Variants in DAB1 observed in about 807,000 individuals in gnomAD.
DAB1 encodes disabled homolog 1.
In DAB1, 15 loss-of-function variants were observed where a neutral mutation model predicts 64.6. That is an observed-to-expected ratio of 0.23 (90% CI 0.16 to 0.36). DAB1 has a LOEUF of 0.36. Among genes scored for constraint, DAB1 ranks in the 10% least tolerant of loss-of-function variants. DAB1 has a pLI of 1.00. For missense variants in DAB1, 596 were observed against 706.7 expected, an observed-to-expected ratio of 0.84 and a Z score of 1.78; for synonymous variants, 235 against 251.9, an observed-to-expected ratio of 0.93 and a Z score of 0.64.
intron 6 of DAB1, among the ~76,000 whole-genome samples, chr1:57,732,437 A>G (rs1423186636): frequency 6.6e-6 from 1 of 152,218 alleles, no homozygotes; most frequent in East Asian, 1.9e-4. Context: ...GAGGCTCATC[A>G]GTGTTGAGAC....
intron 5 of DAB1, among the ~76,000 whole-genome samples, chr1:57,946,559 C>T (rs1645186647): frequency 6.6e-6 from 1 of 152,132 alleles, no homozygotes; most frequent in South Asian, 2.1e-4. Context: ...CTGTTGGATT[C>T]AAATAATGGA....
intron 6 of DAB1, among the ~76,000 whole-genome samples, chr1:57,654,638 T>C (rs137893939): frequency 1.8e-4 from 27 of 152,352 alleles, no homozygotes; most frequent in South Asian, 2.1e-4. Flanking sequence ...TGTAATGAAA[T>C]ATATTTAACT....
chr1:58,015,955 G>A (rs1026734978), intron 5 of DAB1, among the ~76,000 whole-genome samples: 7 of 152,030 alleles, frequency 4.6e-5, no homozygotes, highest in African/African-American at 1.7e-4. Flanking sequence ...CAGATGAACT[G>A]CAAAGAACTT....
chr1:57,746,052 A>G (rs1648252238), intron 6 of DAB1, among the ~76,000 whole-genome samples: 1 of 152,166 alleles, frequency 6.6e-6, no homozygotes, highest in African/African-American at 2.4e-5. Context: ...TAACTGTCTC[A>G]TTATGTAAAC....
At chr1:57,046,088 A>G (rs1648449354) in intron 9 of DAB1, among the ~76,000 whole-genome samples, 2 of 152,222 alleles carry the variant, frequency 1.3e-5, no homozygotes, top group South Asian at 4.1e-4. Context: ...AATTTAGTTG[A>G]GAATCTGAAT....
intron 5 of DAB1, among the ~76,000 whole-genome samples, chr1:57,917,184 C>T (rs893667588): frequency 2.0e-5 from 3 of 152,170 alleles, no homozygotes; most frequent in Admixed American, 6.5e-5. Flanking sequence ...GTTCCCCTCC[C>T]CTCCCCATGA....
chr1:57,439,431 T>TGTTTTTTTTTGTTTTTTTTTGTTTTTG (rs780656882), intron 7 of DAB1, among the ~76,000 whole-genome samples: 1 of 125,174 alleles, frequency 8.0e-6, no homozygotes, highest in East Asian at 3.7e-4. Context: ...TTTTCTTTTT[T>TGTTTTTTTTTGTTTTTTTTTGTTTTTG]TTTTTTTTTT....
intron 5 of DAB1, among the ~76,000 whole-genome samples, chr1:58,005,404 A>C (rs1162413069): frequency 6.6e-6 from 1 of 152,124 alleles, no homozygotes; most frequent in Non-Finnish European, 1.5e-5. Context: ...GTCATTCAGA[A>C]CACATGAGGC....
intron 1 of DAB1, among the ~76,000 whole-genome samples, chr1:58,531,796 G>T (rs753336192): frequency 6.6e-6 from 1 of 151,766 alleles, no homozygotes; most frequent in East Asian, 1.9e-4. Flanking sequence ...TGCAACCTCC[G>T]CCTCCAGGTT....
chr1:57,180,567 TG>T (rs1292477539), intron 2 of DAB1, among the ~76,000 whole-genome samples: 1 of 152,196 alleles, frequency 6.6e-6, no homozygotes, highest in Non-Finnish European at 1.5e-5. Context: ...TGAAATCATC[TG>T]GCCTAAGATA....
At chr1:57,737,579 A>T (rs1213826989) in intron 6 of DAB1, among the ~76,000 whole-genome samples, 2 of 152,214 alleles carry the variant, frequency 1.3e-5, no homozygotes, top group Admixed American at 1.3e-4. Flanking sequence ...TGTGTTAAGC[A>T]TCACCTCGTA....
At chr1:58,431,828 C>G (rs980241510) in intron 3 of DAB1, among the ~76,000 whole-genome samples, 1 of 152,080 alleles carries the variant, frequency 6.6e-6, no homozygotes, top group African/African-American at 2.4e-5. Flanking sequence ...CACACAGAGG[C>G]CTGACCCCCT....
At chr1:57,827,253 C>T (rs1652390454) in intron 1 of DAB1, among the ~76,000 whole-genome samples, 1 of 152,138 alleles carries the variant, frequency 6.6e-6, no homozygotes, top group African/African-American at 2.4e-5. Context: ...AAATGAAGAA[C>T]AGTTCAGCCA....
chr1:57,552,574 G>A (rs138483284), intron 7 of DAB1, among the ~76,000 whole-genome samples: 15 of 152,268 alleles, frequency 9.9e-5, no homozygotes, highest in African/African-American at 3.1e-4. Flanking sequence ...AGCAGGGATC[G>A]CATCCTAGGC....
At chr1:58,240,703 T>C (rs1660255171) in intron 4 of DAB1, among the ~76,000 whole-genome samples, 1 of 152,202 alleles carries the variant, frequency 6.6e-6, no homozygotes. Context: ...TAGCCAAAGC[T>C]ATATTTTCAC....
At chr1:57,761,197 G>A (rs1649070013) in intron 6 of DAB1, among the ~76,000 whole-genome samples, 1 of 152,152 alleles carries the variant, frequency 6.6e-6, no homozygotes, top group Non-Finnish European at 1.5e-5. Context: ...TGAGGAAAAA[G>A]TCTGAGTTGG....
intron 9 of DAB1, among the ~76,000 whole-genome samples, chr1:57,049,917 T>TC (rs1192805951): frequency 6.6e-6 from 1 of 152,150 alleles, no homozygotes; most frequent in Non-Finnish European, 1.5e-5. Context: ...CTGGCAGTAT[T>TC]TGTGGCAGTG....
intron 4 of DAB1, among the ~76,000 whole-genome samples, chr1:57,103,544 G>A (rs1654872816): frequency 6.6e-6 from 1 of 152,164 alleles, no homozygotes; most frequent in African/African-American, 2.4e-5. Context: ...CAGTAGTTAT[G>A]TGTACTAGGA....
At chr1:57,287,656 T>C (rs1672424316) in intron 2 of DAB1, among the ~76,000 whole-genome samples, 1 of 152,216 alleles carries the variant, frequency 6.6e-6, no homozygotes, top group Admixed American at 6.5e-5. Context: ...AACTGTTTAT[T>C]CCTTTTAAAG....
Sources: allele counts gnomAD v4.1 joint callset (sites outside exome capture counted in the v4.1 genomes callset), GRCh38; gene constraint gnomAD v4.1.1; transcripts MANE v1.5; gene names NCBI Gene and HGNC (gene_info 2026-07-23, HGNC 2026-07-21).